Variants in PRKN observed in about 807,000 individuals in gnomAD.
PRKN encodes the protein E3 ubiquitin-protein ligase parkin.
A neutral mutation model predicts 59.5 loss-of-function variants in PRKN; 56 were observed. The ratio of observed to expected loss-of-function variants is 0.94; its 90% CI spans 0.76 to 1.18. PRKN has a LOEUF of 1.18. Ranked by LOEUF, PRKN falls within the 50% of genes most tolerant of loss-of-function variation. PRKN has a pLI of 0.00. For synonymous variants in PRKN, 250 were observed against 222.1 expected (o/e 1.13, Z -1.12); for missense variants, 657 against 596.4 (o/e 1.10, Z -1.06).
At chr6:162,294,709 T>A (rs1781587762) in intron 2 of PRKN, among the ~76,000 whole-genome samples, 4 of 151,076 alleles carry the variant, frequency 2.6e-5, no homozygotes. Flanking sequence ...TGAAGAAGAT[T>A]AAGAAGAGAA....
intron 3 of PRKN, among the ~76,000 whole-genome samples, chr6:162,209,509 G>C (rs543390771): frequency 3.3e-5 from 5 of 152,198 alleles, no homozygotes; most frequent in Admixed American, 6.5e-5. Flanking sequence ...GCTGGTGGGA[G>C]TGTAAATTAG....
At chr6:162,480,084 T>C in intron 1 of PRKN, among the ~76,000 whole-genome samples, 1 of 151,820 alleles carries the variant, frequency 6.6e-6, no homozygotes, top group South Asian at 2.1e-4. Flanking sequence ...AAAAATAGTA[T>C]AAGTTCTATA....
chr6:161,824,632 A>G (rs1299014781), intron 6 of PRKN, among the ~76,000 whole-genome samples: 1 of 152,232 alleles, frequency 6.6e-6, no homozygotes, highest in East Asian at 1.9e-4. Context: ...GCCACATCCT[A>G]ACAAAATGCC....
Position 161,547,194 on chromosome 6 carries a change from A to G in PRKN, c.1083+1660T>C, listed in dbSNP as rs751342696. ...AACAAACACACCTCCAAAACCAACA[A>G]ATCGAAACAAATTAAGATAAATTAA... On this transcript the variant is annotated intron_variant, in intron 9 of 11. Transcript: ENST00000366898. The surrounding 1 kb of genome is among the most constrained non-coding windows in gnomAD (Gnocchi z 4.0). 6.6e-6 allele frequency among the ~76,000 whole-genome samples: 1 copy of G among 152,226 alleles called. No homozygotes were observed. The highest frequency in any genetic ancestry group is 1.5e-5 in the Non-Finnish European group (1 of 68,044).
chr6:161,711,889 T>C (rs961386827), intron 7 of PRKN, among the ~76,000 whole-genome samples: 6 of 152,206 alleles, frequency 3.9e-5, no homozygotes, highest in African/African-American at 1.2e-4. Context: ...CCAGGGGCTA[T>C]TGGGCCTTCA....
At position 161,990,402 on chromosome 6, in the gene PRKN, T is replaced by TA. The variant is rs201564981; in HGVS notation, c.619-16986dup. On this transcript the variant is annotated intron_variant, in intron 5 of 11. Coordinates refer to ENST00000366898, the MANE Select transcript of PRKN (RefSeq NM_004562.3). ...TCTGTAGAAAAAAGTAGTCTTTTTC[T>TA]AAAAAAGCCAATCCATAAAATTGGA... Among the ~76,000 whole-genome samples, 766 of 152,204 alleles carry TA rather than the reference T, an allele frequency of 5.0e-3. 11 individuals carry two copies. The highest frequency in any genetic ancestry group is 0.018 in the African/African-American group (749 of 41,510).
At chr6:161,806,572 G>A (rs1562698439) in intron 6 of PRKN, among the ~76,000 whole-genome samples, 1 of 152,146 alleles carries the variant, frequency 6.6e-6, no homozygotes, top group Non-Finnish European at 1.5e-5. Context: ...CGAGGAGGCT[G>A]GAGAAGGAGG....
chr6:162,504,348 A>G (rs1793511173), intron 1 of PRKN, among the ~76,000 whole-genome samples: 1 of 152,236 alleles, frequency 6.6e-6, no homozygotes, highest in Non-Finnish European at 1.5e-5. Flanking sequence ...ACACTTGGAA[A>G]AGGGGTTTAC....
intron 1 of PRKN, among the ~76,000 whole-genome samples, chr6:162,521,868 G>A (rs1778090414): frequency 6.6e-6 from 1 of 152,058 alleles, no homozygotes; most frequent in Non-Finnish European, 1.5e-5. Flanking sequence ...ATAAATATTA[G>A]GGGCAAGTAA....
chr6:161,570,146 A>ATATATAT (rs1554277876), intron 7 of PRKN, among the ~76,000 whole-genome samples: 4 of 76,612 alleles, frequency 5.2e-5, no homozygotes, highest in African/African-American at 2.7e-4. Context: ...AAAAAAAAAA[A>ATATATAT]ATATATATAT....
intron 5 of PRKN, among the ~76,000 whole-genome samples, chr6:162,046,512 A>G (rs1562481715): frequency 6.6e-6 from 1 of 152,226 alleles, no homozygotes; most frequent in Non-Finnish European, 1.5e-5. Flanking sequence ...AACCAAGGTC[A>G]TGTTCTGTGA....
intron 5 of PRKN, among the ~76,000 whole-genome samples, chr6:161,976,342 C>T (rs1049770309): frequency 6.6e-6 from 1 of 152,170 alleles, no homozygotes; most frequent in Non-Finnish European, 1.5e-5. Context: ...GGAATATCAG[C>T]CGGTCCTCAC....
At chr6:162,021,461 ATT>A (rs72433488) in intron 5 of PRKN, among the ~76,000 whole-genome samples, 28 of 24,660 alleles carry the variant, frequency 1.1e-3, no homozygotes, top group African/African-American at 1.9e-3. Context: ...ATATATATAT[ATT>A]TTTTTTTTTT....
At chr6:162,468,769 C>T (rs960175124) in intron 1 of PRKN, among the ~76,000 whole-genome samples, 2 of 152,180 alleles carry the variant, frequency 1.3e-5, no homozygotes, top group Non-Finnish European at 2.9e-5. Flanking sequence ...TAGAAGGGTG[C>T]ATAAGTCTTC....
intron 5 of PRKN, among the ~76,000 whole-genome samples, chr6:162,012,865 CATGCTATCGTTTGTCCCA>C (rs1782787939): frequency 1.3e-5 from 2 of 152,240 alleles, no homozygotes; most frequent in South Asian, 4.1e-4. Context: ...TTAGGAGACA[CATGCTATCGTTTGTCCCA>C]ATATTTCAGC....
intron 2 of PRKN, among the ~76,000 whole-genome samples, chr6:162,284,217 T>C (rs1373762631): frequency 2.6e-5 from 2 of 77,196 alleles, no homozygotes; most frequent in Non-Finnish European, 4.7e-5. Flanking sequence ...ATTTCTTTCT[T>C]TTTTTTTTTT....
rs140600059 is a variant in PRKN at position 161,630,537 on chromosome 6, C to A, written c.872-61121G>T. ...GAGTATCTTAAATCTTCCTGTACTT[C>A]CAAGAATTACATTGTTTTAAGATGT... On this transcript the variant is annotated intron_variant, in intron 7 of 11. Coordinates refer to ENST00000366898, the MANE Select transcript of PRKN (RefSeq NM_004562.3). Among the ~76,000 whole-genome samples, 396 of 152,276 alleles carry A rather than the reference C, an allele frequency of 2.6e-3. 1 individual carries two copies. Among genetic ancestry groups the A allele is most frequent in the Non-Finnish European group, 4.0e-3 (274 of 68,026 alleles).
intron 7 of PRKN, among the ~76,000 whole-genome samples, chr6:161,679,747 T>C (rs1351702892): frequency 4.5e-5 from 4 of 88,308 alleles, no homozygotes; most frequent in Non-Finnish European, 7.1e-5. Context: ...CCAGCTTTTT[T>C]TTTTTTTTTT....
chr6:161,691,356 A>G (rs1785786292), intron 7 of PRKN, among the ~76,000 whole-genome samples: 1 of 152,230 alleles, frequency 6.6e-6, no homozygotes, highest in Non-Finnish European at 1.5e-5. Flanking sequence ...GCCAGGCTTC[A>G]TGGCAGGTTC....
Sources: allele counts gnomAD v4.1 joint callset (sites outside exome capture counted in the v4.1 genomes callset), GRCh38; gene constraint gnomAD v4.1.1; non-coding constraint Gnocchi (gnomAD v3.1); transcripts MANE v1.5; gene names NCBI Gene and HGNC (gene_info 2026-07-23, HGNC 2026-07-21).